NCSTN: variants seen among roughly 807,000 people sequenced by gnomAD.
The protein encoded by NCSTN is anterior pharynx-defective 2.
Under a neutral mutation model 87.0 loss-of-function variants are expected in NCSTN, and 22 were observed. The ratio of observed to expected loss-of-function variants is 0.25; its 90% CI spans 0.18 to 0.36. NCSTN has a LOEUF of 0.36. Among genes scored for constraint, NCSTN ranks in the 10% least tolerant of loss-of-function variants. The pLI is 1.00. For synonymous variants in NCSTN, 306 were observed against 327.1 expected, an observed-to-expected ratio of 0.94 and a Z score of 0.69; for missense variants, 693 against 883.3, an observed-to-expected ratio of 0.78 and a Z score of 2.73.
chr1:160,352,299 A>G, intron 8 of NCSTN, 93 bp downstream of exon 8: 2 of 1,512,998 alleles, frequency 1.3e-6, no homozygotes, highest in East Asian at 4.5e-5. Context: ...TCAGCACTTG[A>G]CCTAAGTTGT....
chr1:160,352,409 C>T lies in NCSTN; in HGVS notation c.996+203C>T, dbSNP rs1034800643. On this transcript the variant is annotated intron_variant, in intron 8 of 16. Coordinates refer to ENST00000294785, the MANE Select transcript of NCSTN (RefSeq NM_015331.3). Reference sequence around the variant, plus strand: ...TCCTTCTTTTTAGGAAGCTTTTACACCCTGAATTGGTATGTAACCAGCCCC... The same window carrying T: ...TCCTTCTTTTTAGGAAGCTTTTACATCCTGAATTGGTATGTAACCAGCCCC... Among the ~76,000 whole-genome samples, 109 of 152,304 alleles carry T rather than the reference C, an allele frequency of 7.2e-4. 1 individual carries two copies. Among genetic ancestry groups the T allele is most frequent in the African/African-American group, 2.5e-3 (105 of 41,562 alleles).
rs757502430 is a variant in NCSTN at position 160,353,008 on chromosome 1, C to G, written c.1101+17C>G. 3.7e-6 allele frequency: 6 copies of G among 1,601,606 alleles called. No individual in the cohort carries two copies. The South Asian group carries it at 6.6e-5, about 18-fold the overall frequency. On this transcript the variant is annotated intron_variant, in intron 9 of 16. Transcript: ENST00000294785. ...CTGGGACAGGTATGTGGCATGTCCC[C>G]CAGCCCCTTCCTTTTTAATTAAATC...
In NCSTN at chr1:160,349,666, G is replaced by A. The variant is rs377217985; in HGVS notation, c.432G>A (p.Gly144=). Residue 144 remains glycine (G), a synonymous_variant, in exon 4 of 17, where the codon GGG becomes GGA. Transcript: ENST00000294785. ...FSPSVQCPND[G]FGVYSNSYGP... ...CTAGTGTACAGTGCCCAAATGATGG[G>A]TTTGGTAAGTGTCCCAAAGGATCAG... is the stretch of plus-strand genomic sequence containing the variant. The A allele has an allele frequency of 8.1e-5, 130 of 1,613,682 alleles. No individual in the cohort carries two copies. The highest frequency in any genetic ancestry group is 1.0e-4 in the Non-Finnish European group (119 of 1,180,034).
rs189976838 is a variant in NCSTN at position 160,358,177 on chromosome 1, T to C, written c.2036T>C (p.Ile679Thr). The change falls in exon 17 of 17, where the codon ATC becomes ACC. Residue 679 changes from isoleucine to threonine, a missense_variant. By Grantham distance (89) the Ile-to-Thr change is moderately conservative (BLOSUM62 -1). Around this residue, in one of 4 missense-constraint regions of NCSTN, gnomAD observed 216 missense variants for 311.7 expected, o/e 0.69. Transcript: ENST00000294785. The part of the protein sequence containing the change: ...ELITLTVGFG[I>T]LIFSLIVTYC... ...ATCACCCTGACAGTGGGCTTCGGCA[T>C]CCTCATCTTCTCCCTCATCGTCACC... The C allele has an allele frequency of 1.2e-6, 2 of 1,614,108 alleles. No individual in the cohort carries two copies. Among genetic ancestry groups the C allele is most frequent in the East Asian group, 4.5e-5 (2 of 44,876 alleles).
intron 2 of NCSTN, among the ~76,000 whole-genome samples, chr1:160,346,887 G>A (rs1224470177): frequency 6.6e-6 from 1 of 152,206 alleles, no homozygotes; most frequent in African/African-American, 2.4e-5. Context: ...TTACAGGCAT[G>A]AGCCACCATG....
chr1:160,356,299 A>C lies in NCSTN; in HGVS notation c.1591A>C (p.Asn531His). The change falls in exon 14 of 17, where the codon AAC becomes CAC. Residue 531 changes from asparagine (N) to histidine (H), a missense_variant. By Grantham distance (68) the Asn-to-His change is moderately conservative. This residue lies in a region of NCSTN where 216 missense variants were observed against 311.7 expected (regional missense o/e 0.69). Transcript: ENST00000294785. The stretch of plus-strand genomic sequence containing the variant: ...CTATGGGTTCCTGATTAAAGCCAAC[A>C]ACTCATGGTTCCAGTCTATCCTCAG... The part of the protein sequence containing the change: ...LLYGFLIKAN[N>H]SWFQSILRQD... 6.2e-7 allele frequency: 1 copy of C among 1,614,002 alleles called. No homozygotes were observed. The highest frequency in any genetic ancestry group is 8.5e-7 in the Non-Finnish European group (1 of 1,179,820).
chr1:160,349,051 C>T lies in NCSTN; in HGVS notation c.243C>T (p.Asp81=). ...GVIHVVEKEE[D]LQWVLTDGPN... is the part of the protein sequence containing the mutation. The stretch of plus-strand genomic sequence containing the variant: ...TCCACGTAGTAGAGAAAGAGGAGGA[C>T]CTACAGTGGGTATTGACTGATGGCC... The change falls in exon 3 of 17, where the codon GAC becomes GAT. Residue 81 remains aspartate (D), a synonymous_variant. Coordinates refer to ENST00000294785, the MANE Select transcript of NCSTN (RefSeq NM_015331.3). 1.2e-6 allele frequency: 2 copies of T among 1,614,082 alleles called. No individual in the cohort carries two copies. The highest frequency in any genetic ancestry group is 8.5e-7 in the Non-Finnish European group (1 of 1,179,966).
intron 5 of NCSTN, 99 bp from the exon 6 acceptor site, chr1:160,351,123 T>A: frequency 8.0e-7 from 1 of 1,255,830 alleles, no homozygotes; most frequent in Non-Finnish European, 1.2e-6. Flanking sequence ...AGGGTGTGGC[T>A]CCATCCCAAA....
chr1:160,347,189 A>G (rs1648543942), intron 2 of NCSTN, among the ~76,000 whole-genome samples: 1 of 152,154 alleles, frequency 6.6e-6, no homozygotes, highest in Non-Finnish European at 1.5e-5. Context: ...CCTCATTAAG[A>G]TCTTGGTTCC....
At position 160,356,306 on chromosome 1, in the gene NCSTN, G is replaced by T; in HGVS notation, c.1598G>T (p.Trp533Leu). The change falls in exon 14 of 17, where the codon TGG becomes TTG. Residue 533 changes from tryptophan (W) to leucine (L), a missense_variant. Transcript: ENST00000294785. ...TTCCTGATTAAAGCCAACAACTCAT[G>T]GTTCCAGTCTATCCTCAGGCAGGAC... The part of the protein sequence containing the change: ...YGFLIKANNS[W>L]FQSILRQDLR... 1.2e-6 allele frequency: 2 copies of T among 1,613,976 alleles called. No homozygotes were observed. Among genetic ancestry groups the T allele is most frequent in the Non-Finnish European group, 1.7e-6 (2 of 1,179,800 alleles).
intron 5 of NCSTN, among the ~76,000 whole-genome samples, chr1:160,350,994 T>G (rs1243531043): frequency 6.6e-6 from 1 of 152,230 alleles, no homozygotes; most frequent in African/African-American, 2.4e-5. Flanking sequence ...TAGTTTCATC[T>G]CCAGCTAAAC....
At chr1:160,344,417 A>G in intron 1 of NCSTN, 5 of 1,442,356 alleles carry the variant, frequency 3.5e-6, no homozygotes, top group Non-Finnish European at 4.6e-6. Context: ...CTGTGCAACC[A>G]GAATCTGGCA....
chr1:160,352,092 G>T lies in NCSTN; in HGVS notation c.882G>T (p.Gly294=), dbSNP rs1482902988. The T allele has an allele frequency of 1.2e-6, 2 of 1,614,218 alleles. No homozygotes were observed. The highest frequency in any genetic ancestry group is 2.2e-5 in the East Asian group (1 of 44,894). Residue 294 remains glycine, a synonymous_variant, in exon 8 of 17, where the codon GGG becomes GGT. Coordinates refer to ENST00000294785, the MANE Select transcript of NCSTN (RefSeq NM_015331.3). ...CCTTTTTCTGGAATGTGGCCCCAGG[G>T]GCTGAAAGCGCAGTGGCTTCCTTTG... is the stretch of plus-strand genomic sequence containing the variant. ...SRSFFWNVAP[G]AESAVASFVT... is the part of the protein sequence containing the mutation.
rs956852103 is a variant in NCSTN, at chr1:160,358,429, A to G, written c.*158A>G. The G allele has an allele frequency of 1.4e-5, 14 of 974,988 alleles. 1 individual carries two copies. The Admixed American group carries it at 2.0e-4, about 14-fold the overall frequency. 60.4% of individuals were successfully genotyped at this position (974,988 alleles called of 1,614,324 possible). ...GAACTATCCAAAAGAGACAGGGAGA[A>G]ATAAATAAATTGCCTCCCTTCCTCC... On this transcript the variant is annotated 3_prime_UTR_variant, in exon 17 of 17. Transcript: ENST00000294785.
At position 160,357,241 on chromosome 1, in the gene NCSTN, C is replaced by T. The variant is rs769894740; in HGVS notation, c.1995C>T (p.Ser665=). 6.2e-7 allele frequency: 1 copy of T among 1,613,164 alleles called. No homozygotes were observed. The highest frequency in any genetic ancestry group is 8.5e-7 in the Non-Finnish European group (1 of 1,179,604). The change falls in exon 16 of 17, where the codon AGC becomes AGT. Residue 665 remains serine (S), a synonymous_variant. Coordinates refer to ENST00000294785, the MANE Select transcript of NCSTN (RefSeq NM_015331.3). ...DIRARIFLIA[S]KELELITLTV... is the part of the protein sequence containing the mutation. The stretch of plus-strand genomic sequence containing the variant: ...GTGCCCGGATATTTCTCATCGCCAG[C>T]AAAGAGCTTGAGGTGAGATGGGGCA...
At chr1:160,345,196 G>C in intron 2 of NCSTN, 1 of 328,194 alleles carries the variant, frequency 3.0e-6, no homozygotes, top group Non-Finnish European at 5.8e-6. Flanking sequence ...TAAGCTGAGA[G>C]ACCTTTTTTT....
chr1:160,350,660 A>G (rs1648785848), intron 5 of NCSTN, among the ~76,000 whole-genome samples: 1 of 152,154 alleles, frequency 6.6e-6, no homozygotes, highest in Non-Finnish European at 1.5e-5. Context: ...AATATCTGAA[A>G]GAGTAATATG....
intron 16 of NCSTN, 142 bp from the exon 17 acceptor site, chr1:160,358,007 A>G (rs995735189): frequency 9.8e-7 from 1 of 1,020,884 alleles, no homozygotes; most frequent in Non-Finnish European, 1.5e-6. Context: ...GGCTGGAGAG[A>G]TGTTGCCCAT....
At chr1:160,352,287 C>T in intron 8 of NCSTN, 81 bp downstream of exon 8, 1 of 1,564,838 alleles carries the variant, frequency 6.4e-7, no homozygotes, top group South Asian at 1.1e-5. Context: ...TTGGAGAAGA[C>T]CTCAGCACTT....
Sources: gnomAD v4.1 joint callset for allele counts (sites outside exome capture counted in the v4.1 genomes callset) on GRCh38, gnomAD v4.1.1 for gene constraint, gnomAD v4.1.1 regional missense constraint, MANE v1.5 for transcripts, NCBI Gene and HGNC (gene_info 2026-07-23, HGNC 2026-07-21) for gene names.